Variants in ACSM3 observed in about 807,000 individuals in gnomAD.
ACSM3 encodes acyl-coenzyme A synthetase ACSM3, mitochondrial.
ACSM3 carries 61 observed loss-of-function variants against 74.1 expected under a neutral mutation model. The ratio of observed to expected loss-of-function variants is 0.82; its 90% CI spans 0.67 to 1.02. The LOEUF is 1.02. Among genes scored for constraint, ACSM3 ranks in the 50% least tolerant of loss-of-function variants. The probability of loss-of-function intolerance (pLI) is 0.00; values close to 1 mark genes in which losing one functional copy is unlikely to be tolerated. For missense variants in ACSM3, 660 were observed against 697.0 expected (o/e 0.95, Z 0.60); for synonymous variants, 213 against 241.5 (o/e 0.88, Z 1.09).
At chr16:20,735,871 G>C (rs2079864662) in intron 1 of ACSM3, 1 of 152,076 alleles carries the variant, frequency 6.6e-6, no homozygotes, top group Non-Finnish European at 1.5e-5. Context: ...CTTCAACTTT[G>C]TACTGCATCT....
At chr16:20,791,565 A>G (rs2080597557) in intron 10 of ACSM3, among the ~76,000 whole-genome samples, 1 of 152,152 alleles carries the variant, frequency 6.6e-6, no homozygotes, top group South Asian at 2.1e-4. Flanking sequence ...TATTTTCACA[A>G]TCTATCTCTT....
At chr16:20,788,256 G>T (rs1437061213) in intron 9 of ACSM3, among the ~76,000 whole-genome samples, 1 of 152,160 alleles carries the variant, frequency 6.6e-6, no homozygotes, top group Non-Finnish European at 1.5e-5. Context: ...ACTCATGTCT[G>T]CATTACAGGG....
intron 9 of ACSM3, among the ~76,000 whole-genome samples, chr16:20,789,977 A>C (rs1457489621): frequency 6.6e-6 from 1 of 151,832 alleles, no homozygotes; most frequent in African/African-American, 2.4e-5. Flanking sequence ...CCCAGCCAGC[A>C]ATCCTATTTT....
At position 20,786,161 on chromosome 16, in the gene ACSM3, T is replaced by A; in HGVS notation, c.1224+3T>A. The A allele has an allele frequency of 6.2e-7, 1 of 1,609,112 alleles. No individual in the cohort carries two copies. Among genetic ancestry groups the A allele is most frequent in the Non-Finnish European group, 8.5e-7 (1 of 1,177,748 alleles). On this transcript the variant is annotated splice_donor_region_variant and intron_variant, in intron 9 of 13. Coordinates refer to ENST00000289416, the MANE Select transcript of ACSM3 (RefSeq NM_005622.4). ...CTTCTCCTGCTTTCGATGTTAAGGT[T>A]TGCACATCCCCTTCCAGGAGAATGT...
At chr16:20,710,343 C>T (rs2079740296) in intron 1 of ACSM3, among the ~76,000 whole-genome samples, 1 of 152,106 alleles carries the variant, frequency 6.6e-6, no homozygotes, top group African/African-American at 2.4e-5. Context: ...GTTGTATAAT[C>T]TATCAATAAA....
At chr16:20,685,202 T>A (rs1255537924) in intron 1 of ACSM3, 1 of 1,614,044 alleles carries the variant, frequency 6.2e-7, no homozygotes, top group African/African-American at 1.3e-5. Flanking sequence ...CCTGTTCGCA[T>A]GCAGCCCACA....
chr16:20,716,666 G>A (rs2079762794), intron 1 of ACSM3, among the ~76,000 whole-genome samples: 1 of 152,180 alleles, frequency 6.6e-6, no homozygotes, highest in African/African-American at 2.4e-5. Flanking sequence ...ACCCTCACCT[G>A]TTTACCCTCA....
At chr16:20,779,516 C>G (rs2080306502) in intron 4 of ACSM3, among the ~76,000 whole-genome samples, 1 of 151,920 alleles carries the variant, frequency 6.6e-6, no homozygotes, top group Non-Finnish European at 1.5e-5. Flanking sequence ...TCTACTCATT[C>G]TCAACCCCAC....
chr16:20,676,971 A>T (rs2020321200), intron 1 of ACSM3, among the ~76,000 whole-genome samples: 2 of 152,144 alleles, frequency 1.3e-5, no homozygotes, highest in Non-Finnish European at 2.9e-5. Context: ...AAAAAGCTCA[A>T]ATCTGCTCTA....
At chr16:20,731,652 C>G (rs2079831089) in intron 1 of ACSM3, 1 of 381,794 alleles carries the variant, frequency 2.6e-6, no homozygotes, top group Non-Finnish European at 4.7e-6. Context: ...TAGCTCCATC[C>G]TGTAAGTCCT....
intron 1 of ACSM3, among the ~76,000 whole-genome samples, chr16:20,717,066 T>C (rs2079764462): frequency 6.6e-6 from 1 of 152,162 alleles, no homozygotes; most frequent in South Asian, 2.1e-4. Flanking sequence ...TCAATGAAAT[T>C]AACAGGGACC....
intron 1 of ACSM3, among the ~76,000 whole-genome samples, chr16:20,700,504 C>T (rs992349962): frequency 6.6e-6 from 1 of 151,966 alleles, no homozygotes; most frequent in Non-Finnish European, 1.5e-5. Flanking sequence ...AAAAGAACTC[C>T]AGGCAAAAGC....
At chr16:20,700,984 G>A (rs554429181) in intron 1 of ACSM3, among the ~76,000 whole-genome samples, 37 of 152,230 alleles carry the variant, frequency 2.4e-4, no homozygotes, top group South Asian at 1.9e-3. Flanking sequence ...ATGGAGGTAA[G>A]CAGACGGATA....
chr16:20,674,891 A>G (rs2020172642), intron 1 of ACSM3: 1 of 152,238 alleles, frequency 6.6e-6, no homozygotes, highest in African/African-American at 2.4e-5. Context: ...ATCACCTCCC[A>G]GGGACCAACC....
rs1377421039 is a variant in ACSM3, at chr16:20,775,814, CAATGA to C, written c.220-24_220-20del. 1 of 1,611,556 alleles carries C rather than the reference CAATGA, an allele frequency of 6.2e-7. No individual in the cohort carries two copies. The highest frequency in any genetic ancestry group is 8.5e-7 in the Non-Finnish European group (1 of 1,177,836). Reference sequence around the variant, plus strand: ...TTTAGCTGTATAACAACCTTTAAATCAATGACTGGTTTTTCTTTCCTCAGGCTGGA... The same window carrying C: ...TTTAGCTGTATAACAACCTTTAAATCCTGGTTTTTCTTTCCTCAGGCTGGA... On this transcript the variant is annotated intron_variant, in intron 2 of 13. Transcript: ENST00000289416.
At position 20,781,039 on chromosome 16, in the gene ACSM3, CT is replaced by C. The variant is rs2080341718; in HGVS notation, c.849del (p.Ala284HisfsTer55). ...WNTSDTGWAK[S>X]AWSSVFSPWI... ...ACCTCAGATACGGGCTGGGCAAAGT[CT>C]GCATGGAGTAGTGTTTTTTCTCCGT... On this transcript the variant is annotated frameshift_variant, in exon 6 of 14. Transcript: ENST00000289416. LOFTEE classifies it high-confidence loss of function. The C allele has an allele frequency of 6.2e-7, 1 of 1,614,190 alleles. No individual in the cohort carries two copies. Among genetic ancestry groups the C allele is most frequent in the Non-Finnish European group, 8.5e-7 (1 of 1,180,032 alleles).
At chr16:20,691,311 G>C in intron 1 of ACSM3, 1 of 780,468 alleles carries the variant, frequency 1.3e-6, no homozygotes. Flanking sequence ...CATGTTTTTG[G>C]TTAATTGCTA....
At chr16:20,677,775 G>A (rs1255278311) in intron 1 of ACSM3, among the ~76,000 whole-genome samples, 1 of 152,060 alleles carries the variant, frequency 6.6e-6, no homozygotes, top group Non-Finnish European at 1.5e-5. Flanking sequence ...TCTGACAAGA[G>A]CTCTCTGGCT....
chr16:20,742,106 C>T, intron 1 of ACSM3: 4 of 1,230,804 alleles, frequency 3.2e-6, no homozygotes, highest in Non-Finnish European at 4.2e-6. Context: ...TATAATTCTG[C>T]CAGCTACTGT....
Sources: gnomAD v4.1 joint callset for allele counts (sites outside exome capture counted in the v4.1 genomes callset) on GRCh38, gnomAD v4.1.1 for gene constraint, MANE v1.5 for transcripts, NCBI Gene and HGNC (gene_info 2026-07-23, HGNC 2026-07-21) for gene names.